Variants in RFX3 observed in about 807,000 individuals in gnomAD.
The protein encoded by RFX3 is transcription factor RFX3.
A neutral mutation model predicts 98.6 loss-of-function variants in RFX3; 14 were observed. The ratio of observed to expected loss-of-function variants is 0.14; its 90% CI spans 0.09 to 0.22. RFX3 has a LOEUF of 0.22. RFX3 is among the 10% of genes least tolerant of loss of function. RFX3 has a pLI of 1.00. For synonymous variants in RFX3, 383 were observed against 328.4 expected (o/e 1.17, Z -1.80); for missense variants, 639 against 926.9 (o/e 0.69, Z 4.03).
intron 3 of RFX3, among the ~76,000 whole-genome samples, chr9:3,334,943 A>C (rs1832993786): frequency 6.6e-6 from 1 of 151,878 alleles, no homozygotes; most frequent in Non-Finnish European, 1.5e-5. Flanking sequence ...AACACGGTGA[A>C]ATTTGTCTTT....
chr9:3,461,710 T>C (rs1014978389), intron 1 of RFX3, among the ~76,000 whole-genome samples: 2 of 151,932 alleles, frequency 1.3e-5, no homozygotes, highest in African/African-American at 4.8e-5. Context: ...AACAAAATAA[T>C]ATAAGTATTA....
At chr9:3,489,015 C>T (rs1190956195) in intron 1 of RFX3, 3 of 413,732 alleles carry the variant, frequency 7.3e-6, no homozygotes, top group Non-Finnish European at 9.7e-6. Flanking sequence ...ATTTTTAGAA[C>T]TTAGAAATTA....
intron 1 of RFX3, among the ~76,000 whole-genome samples, chr9:3,416,474 A>G (rs1388288752): frequency 6.6e-6 from 1 of 151,730 alleles, no homozygotes; most frequent in East Asian, 1.9e-4. Flanking sequence ...AGAAAAAGAA[A>G]GGATGTTATC....
intron 15 of RFX3, among the ~76,000 whole-genome samples, chr9:3,233,111 C>G (rs909027152): frequency 3.3e-5 from 5 of 152,206 alleles, no homozygotes; most frequent in Admixed American, 3.3e-4. Context: ...GTCAAAATAA[C>G]GAACACCTCA....
intron 12 of RFX3, among the ~76,000 whole-genome samples, chr9:3,263,764 A>C (rs1189588838): frequency 6.6e-6 from 1 of 152,152 alleles, no homozygotes; most frequent in Admixed American, 6.6e-5. Context: ...AGGAAGATTG[A>C]TCCGAATGGA....
chr9:3,507,575 ACATAATACAGTTGTCCCTCCGTAAC>A (rs1382052359), intron 1 of RFX3, among the ~76,000 whole-genome samples: 1 of 151,868 alleles, frequency 6.6e-6, no homozygotes, highest in Non-Finnish European at 1.5e-5. Flanking sequence ...CTTAACCAAT[ACATAATACAGTTGTCCCTCCGTAAC>A]CATGGGGAAT....
intron 4 of RFX3, among the ~76,000 whole-genome samples, chr9:3,324,459 C>A (rs887693591): frequency 1.1e-4 from 16 of 151,612 alleles, no homozygotes; most frequent in Non-Finnish European, 1.9e-4. Flanking sequence ...CAATTCAGCT[C>A]CTTCTAATAT....
chr9:3,467,129 A>ATACGTATATACATATATTAT (rs1587769911), intron 1 of RFX3, among the ~76,000 whole-genome samples: 2 of 131,648 alleles, frequency 1.5e-5, no homozygotes, highest in African/African-American at 6.6e-5. Flanking sequence ...CATATATGTA[A>ATACGTATATACATATATTAT]GTATATATGT....
intron 2 of RFX3, among the ~76,000 whole-genome samples, chr9:3,384,849 C>T (rs751841358): frequency 6.6e-6 from 1 of 152,150 alleles, no homozygotes; most frequent in South Asian, 2.1e-4. Context: ...CACAAACCCA[C>T]CAGCTCCTCT....
At chr9:3,368,222 T>C (rs1050802614) in intron 2 of RFX3, among the ~76,000 whole-genome samples, 35 of 152,086 alleles carry the variant, frequency 2.3e-4, no homozygotes, top group African/African-American at 8.2e-4. Context: ...AACTGATATA[T>C]AGCTGATTTA....
At chr9:3,313,060 T>C (rs985816444) in intron 4 of RFX3, among the ~76,000 whole-genome samples, 2 of 152,184 alleles carry the variant, frequency 1.3e-5, no homozygotes, top group African/African-American at 4.8e-5. Context: ...ACGGACAGAT[T>C]GCCTCCTCAA....
intron 13 of RFX3, among the ~76,000 whole-genome samples, chr9:3,260,220 C>T (rs935613340): frequency 1.3e-5 from 2 of 151,768 alleles, no homozygotes; most frequent in African/African-American, 2.4e-5. Context: ...GGGCAGATGC[C>T]GAATCATATG....
In RFX3 at chr9:3,431,197, T is replaced by C. The variant is rs112864217; in HGVS notation, c.-8-35601A>G. 3.5e-3 allele frequency among the ~76,000 whole-genome samples: 539 copies of C among 152,270 alleles called. 2 individuals carry two copies. Among genetic ancestry groups the C allele is most frequent in the Non-Finnish European group, 4.2e-3 (287 of 68,012 alleles). ...GTTCATCTTTCCAGTAAATTGTGTATCACAGTAAAAAGTGATCTCTTACAG... is the reference window on the plus strand; with the variant it reads ...GTTCATCTTTCCAGTAAATTGTGTACCACAGTAAAAAGTGATCTCTTACAG... On this transcript the variant is annotated intron_variant, in intron 1 of 16. Transcript: ENST00000617270.
At chr9:3,360,764 G>C (rs2131376188) in intron 2 of RFX3, among the ~76,000 whole-genome samples, 1 of 152,222 alleles carries the variant, frequency 6.6e-6, no homozygotes, top group South Asian at 2.1e-4. Context: ...AAACGTGCTA[G>C]CTCAACAGAA....
intron 11 of RFX3, 27 bp from the exon 12 acceptor site, chr9:3,266,332 TA>T (rs568635699): frequency 1.2e-4 from 163 of 1,409,780 alleles, no homozygotes; most frequent in Middle Eastern, 1.8e-4. Context: ...AAAAGCAGGA[TA>T]AAAAAAAGTA....
intron 4 of RFX3, among the ~76,000 whole-genome samples, chr9:3,310,898 T>A (rs1337160148): frequency 6.6e-6 from 1 of 152,144 alleles, no homozygotes; most frequent in Non-Finnish European, 1.5e-5. Context: ...AAATCAAAAT[T>A]TGCTAAATGA....
intron 1 of RFX3, among the ~76,000 whole-genome samples, chr9:3,421,931 A>T (rs1165120533): frequency 6.6e-6 from 1 of 152,022 alleles, no homozygotes; most frequent in Non-Finnish European, 1.5e-5. Flanking sequence ...ATTGATAGGA[A>T]CTCTGAAGCC....
At chr9:3,298,326 C>A (rs1178725682) in intron 5 of RFX3, among the ~76,000 whole-genome samples, 3 of 151,692 alleles carry the variant, frequency 2.0e-5, no homozygotes, top group Non-Finnish European at 4.4e-5. Flanking sequence ...AAGAAGACCA[C>A]CCTTTACCAA....
At chr9:3,237,052 C>G (rs1819254530) in intron 15 of RFX3, among the ~76,000 whole-genome samples, 2 of 152,162 alleles carry the variant, frequency 1.3e-5, no homozygotes, top group Admixed American at 1.3e-4. Flanking sequence ...TGCTTAAATT[C>G]TATACATTAT....
Sources: allele counts gnomAD v4.1 joint callset (sites outside exome capture counted in the v4.1 genomes callset), GRCh38; gene constraint gnomAD v4.1.1; transcripts MANE v1.5; gene names NCBI Gene and HGNC (gene_info 2026-07-23, HGNC 2026-07-21).